CCDC102B: variants seen among roughly 807,000 people sequenced by gnomAD.
The protein encoded by CCDC102B is coiled-coil domain containing 102B, also known as coiled-coil domain-containing protein 102B.
CCDC102B carries 75 observed loss-of-function variants against 57.4 expected under a neutral mutation model. The observed-to-expected ratio is 1.31, with a 90% CI of 1.08 to 1.58. CCDC102B has a LOEUF of 1.58. Ranked by LOEUF, CCDC102B falls within the 40% of genes most tolerant of loss-of-function variation. The pLI, the probability that CCDC102B is intolerant of heterozygous loss-of-function variation, is 0.00. For synonymous variants in CCDC102B, 206 were observed against 201.9 expected (o/e 1.02, Z -0.17); for missense variants, 636 against 582.6 (o/e 1.09, Z -0.94).
At position 68,847,470 on chromosome 18, in the gene CCDC102B, A is replaced by G. The variant is rs1203512894; in HGVS notation, c.936+1049A>G. Among the ~76,000 whole-genome samples the G allele has an allele frequency of 2.0e-5, 3 of 151,978 alleles. 1 individual carries two copies. In the South Asian group the frequency reaches 6.2e-4, roughly 31 times the overall value. The stretch of plus-strand genomic sequence containing the variant: ...CTCTTGCCACTAGTGTGCAGCACAG[A>G]CTTGTTAATCTTCCTCTTAGTTTCA... On this transcript the variant is annotated intron_variant, in intron 4 of 7. Transcript: ENST00000360242.
intron 6 of CCDC102B, among the ~76,000 whole-genome samples, chr18:68,967,493 C>T (rs538275430): frequency 1.6e-4 from 24 of 151,928 alleles, no homozygotes; most frequent in African/African-American, 3.9e-4. Context: ...TAGATTTGAA[C>T]GAAGAAACAA....
chr18:69,053,147 A>G (rs1442165268), intron 7 of CCDC102B, among the ~76,000 whole-genome samples: 1 of 151,876 alleles, frequency 6.6e-6, no homozygotes, highest in African/African-American at 2.4e-5. Flanking sequence ...ATGTCATGGC[A>G]TAGTAATGCA....
At chr18:68,771,869 T>TACACACAC (rs57733183) in intron 2 of CCDC102B, among the ~76,000 whole-genome samples, 7,811 of 141,988 alleles carry the variant, frequency 0.055, 275 homozygotes, top group South Asian at 0.12. Flanking sequence ...TACTCTGAAA[T>TACACACAC]ACACACACAC....
At chr18:68,794,133 T>G (rs527324753), upstream of CCDC102B, among the ~76,000 whole-genome samples, 5 of 152,126 alleles carry the variant, frequency 3.3e-5, no homozygotes, top group Non-Finnish European at 5.9e-5. Flanking sequence ...TTAAGTTCTC[T>G]TTTCCTCCCA....
intron 2 of CCDC102B, among the ~76,000 whole-genome samples, chr18:68,738,998 GT>G (rs1208183457): frequency 1.3e-3 from 182 of 136,880 alleles, no homozygotes; most frequent in East Asian, 1.7e-3. Context: ...GCAGCCTTTT[GT>G]TTTTTTTTTT....
At chr18:68,922,712 C>T (rs1200977034) in intron 6 of CCDC102B, among the ~76,000 whole-genome samples, 1 of 152,072 alleles carries the variant, frequency 6.6e-6, no homozygotes, top group African/African-American at 2.4e-5. Context: ...CAGGTTGCTA[C>T]TCTGTTTTTA....
chr18:69,029,173 CT>C (rs1262148774), intron 7 of CCDC102B, among the ~76,000 whole-genome samples: 2 of 152,082 alleles, frequency 1.3e-5, no homozygotes, highest in Non-Finnish European at 2.9e-5. Context: ...CCACTCAGTA[CT>C]TTTTTTAGTT....
intron 6 of CCDC102B, among the ~76,000 whole-genome samples, chr18:69,005,231 G>A (rs964025817): frequency 1.3e-5 from 2 of 152,106 alleles, no homozygotes; most frequent in African/African-American, 4.8e-5. Context: ...CTTGTTGATA[G>A]CATTATTACT....
intron 1 of CCDC102B, among the ~76,000 whole-genome samples, chr18:68,833,271 T>C (rs892369843): frequency 2.0e-5 from 3 of 152,240 alleles, no homozygotes; most frequent in South Asian, 2.1e-4. Context: ...ACGGGGATAA[T>C]AATAGTACTG....
At chr18:68,895,588 T>G (rs1008560419) in intron 5 of CCDC102B, among the ~76,000 whole-genome samples, 13 of 151,758 alleles carry the variant, frequency 8.6e-5, no homozygotes, top group Non-Finnish European at 1.6e-4. Context: ...AGAATTTTTA[T>G]CCTTTTGAGA....
At chr18:68,910,551 G>C (rs2040803792) in intron 6 of CCDC102B, among the ~76,000 whole-genome samples, 2 of 152,092 alleles carry the variant, frequency 1.3e-5, no homozygotes, top group African/African-American at 4.8e-5. Context: ...AGAACTCCCT[G>C]GGCCAGGAGG....
chr18:68,910,631 G>T (rs12962796), intron 6 of CCDC102B, among the ~76,000 whole-genome samples: 46,053 of 151,992 alleles, frequency 0.3, 7,486 homozygotes, highest in Non-Finnish European at 0.36. Flanking sequence ...AAAGTAAGTT[G>T]CCTTTTACCT....
At chr18:68,886,795 A>G (rs2039902056) in intron 5 of CCDC102B, among the ~76,000 whole-genome samples, 1 of 151,670 alleles carries the variant, frequency 6.6e-6, no homozygotes, top group Non-Finnish European at 1.5e-5. Flanking sequence ...ACTCATTTCA[A>G]TGTACCCCAA....
At chr18:69,006,379 G>A (rs2051342418) in intron 6 of CCDC102B, among the ~76,000 whole-genome samples, 1 of 150,720 alleles carries the variant, frequency 6.6e-6, no homozygotes. Flanking sequence ...GGTAGCAAAG[G>A]CCATAGCTTT....
chr18:68,917,482 G>A (rs971172483), intron 6 of CCDC102B, among the ~76,000 whole-genome samples: 1 of 152,190 alleles, frequency 6.6e-6, no homozygotes, highest in South Asian at 2.1e-4. Flanking sequence ...AGCTAGTGTA[G>A]CTAAGGGAAT....
At chr18:68,732,996 AAGAT>A (rs10616998) in intron 2 of CCDC102B, among the ~76,000 whole-genome samples, 7,329 of 152,124 alleles carry the variant, frequency 0.048, 603 homozygotes, top group African/African-American at 0.17. Context: ...ATGAAAAAGA[AAGAT>A]AGAAAAGTTG....
chr18:68,916,837 G>A (rs956397866), intron 6 of CCDC102B, among the ~76,000 whole-genome samples: 3 of 152,142 alleles, frequency 2.0e-5, no homozygotes, highest in Non-Finnish European at 4.4e-5. Context: ...AAAGGAAATC[G>A]GTACCTGGGT....
intron 2 of CCDC102B, among the ~76,000 whole-genome samples, chr18:68,751,084 A>C (rs1599407923): frequency 6.6e-6 from 1 of 152,314 alleles, no homozygotes; most frequent in East Asian, 1.9e-4. Context: ...GAGAGATAAA[A>C]CAATAGAAAA....
chr18:68,801,550 A>G (rs982249298), intron 1 of CCDC102B, among the ~76,000 whole-genome samples: 10 of 152,078 alleles, frequency 6.6e-5, no homozygotes, highest in African/African-American at 2.4e-4. Context: ...CTAAAGAAAA[A>G]GGTGTCCTTA....
Sources: allele counts gnomAD v4.1 joint callset (sites outside exome capture counted in the v4.1 genomes callset), GRCh38; gene constraint gnomAD v4.1.1; transcripts MANE v1.5; gene names NCBI Gene and HGNC (gene_info 2026-07-23, HGNC 2026-07-21).